The following ATG5 variants were observed in gnomAD, a reference collection of about 807,000 sequenced individuals.
The protein encoded by ATG5 is autophagy protein 5.
ATG5 carries 14 observed loss-of-function variants against 36.5 expected under a neutral mutation model. The observed-to-expected ratio is 0.38, with a 90% CI of 0.25 to 0.60. ATG5 has a LOEUF of 0.60. Among genes scored for constraint, ATG5 ranks in the 20% least tolerant of loss-of-function variants. The pLI, the probability that ATG5 is intolerant of heterozygous loss-of-function variation, is 0.60. For synonymous variants in ATG5, 95 were observed against 101.5 expected, an observed-to-expected ratio of 0.94 and a Z score of 0.38; for missense variants, 195 against 326.7, an observed-to-expected ratio of 0.60 and a Z score of 3.11.
chr6:106,305,107 A>G (rs1446293077), intron 3 of ATG5, among the ~76,000 whole-genome samples: 2 of 150,058 alleles, frequency 1.3e-5, no homozygotes, highest in Non-Finnish European at 3.0e-5. Flanking sequence ...AAAAAAAAAA[A>G]GATGAATTTT....
chr6:106,188,397 TGTAAGA>T (rs537807088), intron 7 of ATG5, among the ~76,000 whole-genome samples: 36 of 152,342 alleles, frequency 2.4e-4, no homozygotes, highest in African/African-American at 8.2e-4. Context: ...AGAATAGTGG[TGTAAGA>T]GTAAAAGTTC....
At chr6:106,224,836 G>A (rs1464919207) in intron 6 of ATG5, among the ~76,000 whole-genome samples, 1 of 152,156 alleles carries the variant, frequency 6.6e-6, no homozygotes, top group Non-Finnish European at 1.5e-5. Flanking sequence ...AGCTGAGATC[G>A]CACCATTGCA....
At chr6:106,248,038 C>G (rs1011513277) in intron 6 of ATG5, 112 bp downstream of exon 6, 1 of 771,018 alleles carries the variant, frequency 1.3e-6, no homozygotes, top group Non-Finnish European at 2.1e-6. Context: ...TGGAAAACCC[C>G]TAATAAATAC....
At chr6:106,284,324 A>G (rs912362753) in intron 4 of ATG5, among the ~76,000 whole-genome samples, 1 of 151,806 alleles carries the variant, frequency 6.6e-6, no homozygotes, top group South Asian at 2.1e-4. Context: ...ATTAACCTAT[A>G]CCCTCTCCAT....
chr6:106,271,126 C>T (rs1779436635), intron 5 of ATG5, among the ~76,000 whole-genome samples: 2 of 152,210 alleles, frequency 1.3e-5, no homozygotes, highest in Non-Finnish European at 2.9e-5. Flanking sequence ...AAATTGTTTT[C>T]CTTGGCCTAC....
At chr6:106,225,479 T>G (rs1777419174) in intron 6 of ATG5, among the ~76,000 whole-genome samples, 2 of 152,218 alleles carry the variant, frequency 1.3e-5, no homozygotes, top group South Asian at 2.1e-4. Flanking sequence ...AAGAATACAT[T>G]TTTTAAAACT....
chr6:106,293,226 A>G, intron 3 of ATG5, 120 bp from the exon 4 acceptor site: 2 of 765,696 alleles, frequency 2.6e-6, no homozygotes, highest in Non-Finnish European at 4.4e-6. Context: ...CACAAATCAC[A>G]GGAAGACTAC....
At chr6:106,306,580 G>A (rs1302909873) in intron 3 of ATG5, among the ~76,000 whole-genome samples, 2 of 152,196 alleles carry the variant, frequency 1.3e-5, no homozygotes, top group East Asian at 3.8e-4. Context: ...CAAAATGTCA[G>A]TAGTGACCCT....
chr6:106,286,566 C>T (rs1389962969), intron 4 of ATG5, among the ~76,000 whole-genome samples: 1 of 152,176 alleles, frequency 6.6e-6, no homozygotes, highest in East Asian at 1.9e-4. Context: ...TTTCTATAAT[C>T]CCTTCCCCCT....
intron 2 of ATG5, among the ~76,000 whole-genome samples, chr6:106,311,621 T>A (rs1462030562): frequency 1.3e-5 from 2 of 152,166 alleles, no homozygotes; most frequent in Admixed American, 6.5e-5. Flanking sequence ...GACAGAATAG[T>A]GCTGAGGAAG....
At chr6:106,299,528 T>A (rs114548950) in intron 3 of ATG5, among the ~76,000 whole-genome samples, 1 of 152,210 alleles carries the variant, frequency 6.6e-6, no homozygotes, top group African/African-American at 2.4e-5. Flanking sequence ...AGAAAATGAC[T>A]GCATAAGAAC....
chr6:106,227,628 T>G (rs963875808), intron 6 of ATG5, among the ~76,000 whole-genome samples: 1 of 152,192 alleles, frequency 6.6e-6, no homozygotes. Context: ...GCAGAAAAAC[T>G]GCACTTCAAG....
intron 5 of ATG5, among the ~76,000 whole-genome samples, chr6:106,264,317 T>A (rs1779145865): frequency 6.6e-6 from 1 of 152,030 alleles, no homozygotes; most frequent in Non-Finnish European, 1.5e-5. Flanking sequence ...AAGGAACGAA[T>A]GAAGCCTCCA....
At chr6:106,296,825 AG>A (rs1231548986) in intron 3 of ATG5, among the ~76,000 whole-genome samples, 2 of 152,234 alleles carry the variant, frequency 1.3e-5, no homozygotes, top group African/African-American at 2.4e-5. Context: ...CTCAGAAAAA[AG>A]AAAAAAGCAA....
At position 106,226,174 on chromosome 6, in the gene ATG5, A is replaced by G. The variant is rs575714646; in HGVS notation, c.573+21976T>C. 1.2e-4 allele frequency among the ~76,000 whole-genome samples: 19 copies of G among 152,316 alleles called. No homozygotes were observed. In the South Asian group the frequency reaches 3.1e-3, roughly 25 times the overall value. On this transcript the variant is annotated intron_variant, in intron 6 of 7. Coordinates refer to ENST00000369076, the MANE Select transcript of ATG5 (RefSeq NM_004849.4). ...GAAGATACTCTAGTTCTAGGCATTC[A>G]AGAAAATCTCTTCTAATCATCAGAT... is the stretch of plus-strand genomic sequence containing the variant.
intron 7 of ATG5, among the ~76,000 whole-genome samples, chr6:106,190,688 A>G (rs985574903): frequency 6.6e-6 from 1 of 152,184 alleles, no homozygotes; most frequent in Non-Finnish European, 1.5e-5. Flanking sequence ...TTTAAGAAAA[A>G]CATATTCAAG....
chr6:106,221,846 T>C (rs1195341233), intron 6 of ATG5, among the ~76,000 whole-genome samples: 1 of 152,034 alleles, frequency 6.6e-6, no homozygotes, highest in East Asian at 1.9e-4. Context: ...GTCAGTAAGG[T>C]CAATTTTTAC....
chr6:106,290,778 A>G (rs2355694), intron 4 of ATG5, among the ~76,000 whole-genome samples: 6 of 152,312 alleles, frequency 3.9e-5, no homozygotes, highest in African/African-American at 1.4e-4. Flanking sequence ...ATGTTCACTG[A>G]TTTACGCATT....
chr6:106,307,314 C>A (rs1770484672), intron 3 of ATG5, among the ~76,000 whole-genome samples: 1 of 152,060 alleles, frequency 6.6e-6, no homozygotes, highest in African/African-American at 2.4e-5. Context: ...TCTGTCTTAG[C>A]CTGTATTTTT....
Sources: allele counts gnomAD v4.1 joint callset (sites outside exome capture counted in the v4.1 genomes callset), GRCh38; gene constraint gnomAD v4.1.1; transcripts MANE v1.5; gene names NCBI Gene and HGNC (gene_info 2026-07-23, HGNC 2026-07-21).